The following MZT2A variants were observed in gnomAD, a reference collection of about 807,000 sequenced individuals.
MZT2A encodes the protein mitotic spindle organizing protein 2A.
MZT2A carries 8 observed loss-of-function variants against 12.4 expected under a neutral mutation model. The ratio of observed to expected loss-of-function variants is 0.64; its 90% CI spans 0.38 to 1.16. MZT2A has a LOEUF of 1.16. Among genes scored for constraint, MZT2A ranks in the 50% most tolerant of loss-of-function variants. MZT2A has a pLI of 0.01. For synonymous variants in MZT2A, 88 were observed against 107.5 expected, an observed-to-expected ratio of 0.82 and a Z score of 1.12; for missense variants, 181 against 223.6, an observed-to-expected ratio of 0.81 and a Z score of 1.22.
chr2:131,472,558 C>T (rs1260933764), intron 2 of MZT2A, among the ~76,000 whole-genome samples: 1 of 152,214 alleles, frequency 6.6e-6, no homozygotes, highest in Non-Finnish European at 1.5e-5. Context: ...CGGTCAACAA[C>T]AGACAGCATA....
Position 131,484,187 on chromosome 2 carries a change from T to A in MZT2A, c.351A>T (p.Gly117=). 1.2e-6 allele frequency: 2 copies of A among 1,613,790 alleles called. No homozygotes were observed. The highest frequency in any genetic ancestry group is 1.7e-6 in the Non-Finnish European group (2 of 1,179,880). The change falls in exon 3 of 3, where the codon GGA becomes GGT. Residue 117 remains glycine (G), a synonymous_variant. Coordinates refer to ENST00000309451, the MANE Select transcript of MZT2A (RefSeq NM_001085365.2). ...TGCTGCGTTCCGCCAGGGCCAATAC[T>A]CCCCCGAGGGCAGCGCTGCCTTTGT... ...GRDKGSAALG[G]VLALAERSNH...
intron 2 of MZT2A, chr2:131,486,605 CT>C (rs71275921): frequency 4.2e-3 from 602 of 143,470 alleles, no homozygotes; most frequent in African/African-American, 4.3e-3. Context: ...GCAAATAATG[CT>C]TTTTTTTTTT....
In MZT2A at chr2:131,471,108, G is replaced by A. The variant is rs963508880; in HGVS notation, c.394-765C>T. ...TTGCTGGACTAAGACTGGAAGTGAC[G>A]AGACCTGGAGCAAGCTGGCAGGGCG... On this transcript the variant is annotated intron_variant and NMD_transcript_variant, in intron 3 of 4. Coordinates refer to the MZT2A transcript ENST00000427024. Among the ~76,000 whole-genome samples the A allele has an allele frequency of 3.5e-4, 49 of 138,262 alleles. 1 individual carries two copies. Among genetic ancestry groups the A allele is most frequent in the South Asian group, 2.1e-4 (1 of 4,760 alleles). The allele number at this position is 138,262 out of a possible 152,430, so 90.7% of individuals were successfully genotyped here. A position where few individuals can be genotyped will look rare whatever the true frequency, so the allele number is the denominator to read the frequency against.
At chr2:131,482,660 G>A (rs769978704), downstream of MZT2A, 5 of 1,614,202 alleles carry the variant, frequency 3.1e-6, no homozygotes, top group South Asian at 4.4e-5. Flanking sequence ...GGAGGCCTGG[G>A]CCCGCCTGGA....
intron 2 of MZT2A, chr2:131,490,756 C>T (rs1679260666): frequency 1.3e-6 from 2 of 1,537,982 alleles, no homozygotes; most frequent in Admixed American, 2.0e-5. Context: ...GGAGGGAACC[C>T]GGGGGGCCTG....
upstream of MZT2A, chr2:131,493,030 C>A: frequency 6.7e-7 from 1 of 1,484,748 alleles, no homozygotes; most frequent in Non-Finnish European, 9.0e-7. Context: ...AAGCGCTTTT[C>A]CCGCCCGGCC....
At chr2:131,475,340 T>TTTTTTTG in intron 2 of MZT2A, among the ~76,000 whole-genome samples, 1 of 114,412 alleles carries the variant, frequency 8.7e-6, no homozygotes, top group African/African-American at 5.0e-5. Flanking sequence ...TTTTTTTTTT[T>TTTTTTTG]TTTTTGAAAC....
intron 2 of MZT2A, chr2:131,478,069 G>A: frequency 1.9e-5 from 28 of 1,490,930 alleles, no homozygotes; most frequent in Non-Finnish European, 2.5e-5. Flanking sequence ...AGATACTGAA[G>A]CAGTATATAA....
At chr2:131,480,750 G>T (rs772787251), downstream of MZT2A, 2 of 1,607,592 alleles carry the variant, frequency 1.2e-6, no homozygotes, top group Admixed American at 3.3e-5. Context: ...TGGATTTAAG[G>T]TATGACTGGG....
Position 131,484,061 on chromosome 2 carries a change from C to G in MZT2A, c.477G>C (p.Ter159TyrextTer27). Residue 159 changes from the stop codon to tyrosine (Y), a stop_lost, in exon 3 of 3, where the codon TAG (stop) becomes TAC (tyrosine). Coordinates refer to ENST00000309451, the MANE Select transcript of MZT2A (RefSeq NM_001085365.2). ...PGKSPTQGST* is the reference protein window; with the variant it reads ...PGKSPTQGSTY ...AGATGTGACAAGTCTCTGCCCCATC[C>G]TAGGTGCTGCCCTGCGTAGGGCTCT... 6.2e-7 allele frequency: 1 copy of G among 1,604,634 alleles called. No individual in the cohort carries two copies. Among genetic ancestry groups the G allele is most frequent in the Non-Finnish European group, 8.5e-7 (1 of 1,173,044 alleles).
chr2:131,480,229 C>T (rs1483619209), downstream of MZT2A: 4 of 1,614,000 alleles, frequency 2.5e-6, no homozygotes, highest in South Asian at 4.4e-5. Flanking sequence ...CAGGTCTCCA[C>T]AGCCGTGGTG....
chr2:131,474,405 CTTTTT>C (rs70994777), intron 2 of MZT2A, among the ~76,000 whole-genome samples: 3 of 94,832 alleles, frequency 3.2e-5, no homozygotes, highest in South Asian at 4.3e-4. Flanking sequence ...TCTTCTTCTT[CTTTTT>C]TTTTTTTTTT....
upstream of MZT2A, among the ~76,000 whole-genome samples, chr2:131,493,291 C>T (rs1679425340): frequency 6.6e-6 from 1 of 152,186 alleles, no homozygotes; most frequent in Non-Finnish European, 1.5e-5. Context: ...GAGTGGAGGG[C>T]CCCGGCTGAG....
chr2:131,473,172 C>T (rs1471451066), intron 2 of MZT2A, among the ~76,000 whole-genome samples: 1 of 151,790 alleles, frequency 6.6e-6, no homozygotes, highest in Non-Finnish European at 1.5e-5. Flanking sequence ...GAAAATAAAA[C>T]CCTGCTGTTT....
intron 2 of MZT2A, among the ~76,000 whole-genome samples, chr2:131,475,317 T>TC (rs1678619511): frequency 7.6e-6 from 1 of 131,884 alleles, no homozygotes; most frequent in African/African-American, 3.2e-5. Flanking sequence ...CCTCCTTTCT[T>TC]CCTTTTTTTT....
intron 2 of MZT2A, chr2:131,476,009 G>C: frequency 9.5e-7 from 1 of 1,055,420 alleles, no homozygotes; most frequent in Non-Finnish European, 1.4e-6. Context: ...CACATGTTGA[G>C]CAATGGCCAA....
intron 2 of MZT2A, 56 bp from the exon 3 acceptor site, chr2:131,484,274 C>T (rs1430882055): frequency 6.3e-7 from 1 of 1,591,222 alleles, no homozygotes; most frequent in Non-Finnish European, 8.6e-7. Context: ...AAATGCAGCA[C>T]CTGCTGTACT....
intron 2 of MZT2A, chr2:131,476,102 CG>C (rs1678654633): frequency 6.4e-7 from 1 of 1,573,090 alleles, no homozygotes; most frequent in African/African-American, 1.4e-5. Context: ...CAATCCCGTG[CG>C]GCGCGCACAG....
chr2:131,470,638 C>T (rs1051190229), intron 3 of MZT2A, among the ~76,000 whole-genome samples: 1 of 151,962 alleles, frequency 6.6e-6, no homozygotes, highest in African/African-American at 2.4e-5. Context: ...GTAATGCCAA[C>T]CTCTGCCCGA....
Sources: gnomAD v4.1 joint callset for allele counts (sites outside exome capture counted in the v4.1 genomes callset) on GRCh38, gnomAD v4.1.1 for gene constraint, MANE v1.5 for transcripts, NCBI Gene and HGNC (gene_info 2026-07-23, HGNC 2026-07-21) for gene names.